The following USP9X variants were observed in gnomAD, a reference collection of about 807,000 sequenced individuals.
The protein encoded by USP9X is ubiquitin specific peptidase 9 X-linked.
USP9X carries 7 observed loss-of-function variants against 190.3 expected under a neutral mutation model. That is an observed-to-expected ratio of 0.04 (90% confidence interval 0.02 to 0.07). USP9X has a LOEUF of 0.07. Among genes scored for constraint, USP9X ranks in the 10% least tolerant of loss-of-function variants. USP9X has a pLI of 1.00. For synonymous variants in USP9X, 645 were observed against 659.5 expected (o/e 0.98, Z 0.34); for missense variants, 1,010 against 1,916.9 (o/e 0.53, Z 8.83).
Position 41,188,136 on chromosome X carries a change from C to T in USP9X, c.3810+19C>T, listed in dbSNP as rs375275312. The T allele has an allele frequency of 3.3e-5, 39 of 1,174,307 alleles. No individual in the cohort carries two copies. The highest frequency in any genetic ancestry group is 2.7e-4 in the African/African-American group (15 of 56,521). On this transcript the variant is annotated intron_variant, in intron 25 of 44. Coordinates refer to ENST00000378308, the MANE Select transcript of USP9X (RefSeq NM_001039591.3). ...TGAGAAGGTAAGAATTATCACAGAA[C>T]TATATTCCTTGTAAACAAATGTTTC...
At chrX:41,094,809 C>T (rs1278018992) in intron 1 of USP9X, among the ~76,000 whole-genome samples, 3 of 109,191 alleles carry the variant, frequency 2.7e-5, no homozygotes, top group Non-Finnish European at 5.7e-5. Context: ...GAGGCTGAGG[C>T]GGGCAGATCA....
At chrX:41,149,072 CAT>C (rs2062498160) in intron 12 of USP9X, among the ~76,000 whole-genome samples, 1 of 111,700 alleles carries the variant, frequency 9.0e-6, no homozygotes, top group Non-Finnish European at 1.9e-5. Context: ...TAATTTCTCA[CAT>C]GTTAATAAAA....
At chrX:41,179,089 A>G (rs957390338) in intron 21 of USP9X, among the ~76,000 whole-genome samples, 2 of 111,661 alleles carry the variant, frequency 1.8e-5, no homozygotes, top group Non-Finnish European at 3.8e-5. Flanking sequence ...TTTTGTGTCA[A>G]TACCATGCTG....
chrX:41,149,493 G>A (rs1244568409), intron 12 of USP9X, among the ~76,000 whole-genome samples: 1 of 109,461 alleles, frequency 9.1e-6, no homozygotes, highest in African/African-American at 3.3e-5. Context: ...TTTTCCAACT[G>A]TCACCTTTTC....
At chrX:41,125,684 A>ACACACACACACACACACTCT in intron 2 of USP9X, among the ~76,000 whole-genome samples, 24 of 19,017 alleles carry the variant, frequency 1.3e-3, no homozygotes, top group East Asian at 1.9e-3. Flanking sequence ...ACACACACAC[A>ACACACACACACACACACTCT]CTCTCTCTCT....
intron 38 of USP9X, among the ~76,000 whole-genome samples, chrX:41,221,394 T>C (rs939444580): frequency 4.5e-5 from 5 of 112,138 alleles, no homozygotes; most frequent in Admixed American, 2.9e-4. Context: ...AAGCAAATAA[T>C]GTAGTTGCCA....
At chrX:41,114,886 TGTC>T (rs2062135804) in intron 1 of USP9X, among the ~76,000 whole-genome samples, 1 of 110,959 alleles carries the variant, frequency 9.0e-6, no homozygotes, top group Non-Finnish European at 1.9e-5. Context: ...TAAGGCTTCT[TGTC>T]ATCAGTATGC....
chrX:41,115,307 G>T (rs1376520735), intron 1 of USP9X, among the ~76,000 whole-genome samples: 1 of 110,330 alleles, frequency 9.1e-6, no homozygotes, highest in Non-Finnish European at 1.9e-5. Flanking sequence ...AGCTTGTGTT[G>T]TACAGTTAGG....
chrX:41,121,000 G>A (rs886588672), intron 1 of USP9X, among the ~76,000 whole-genome samples: 2 of 99,622 alleles, frequency 2.0e-5, no homozygotes, highest in African/African-American at 7.4e-5. Context: ...CACCATGCCT[G>A]GCTAATTTTT....
At chrX:41,117,668 C>T in intron 1 of USP9X, among the ~76,000 whole-genome samples, 1 of 99,038 alleles carries the variant, frequency 1.0e-5, no homozygotes, top group Non-Finnish European at 2.0e-5. Flanking sequence ...AGCTCTGCCT[C>T]CTGGGTTCAC....
chrX:41,184,025 C>A lies in USP9X; in HGVS notation c.3176C>A (p.Ala1059Asp), dbSNP rs759926021. The change falls in exon 22 of 45, where the codon GCT becomes GAT. Residue 1059 changes from alanine to aspartate, a missense_variant. Transcript: ENST00000378308. ...PDSTTIEKLR[A>D]ICLDHAKLGE... Reference sequence around the variant, plus strand: ...AGCACAACGATAGAAAAATTAAGAGCTATTTGTTTAGACCATGCCAAACTT... The same window carrying A: ...AGCACAACGATAGAAAAATTAAGAGATATTTGTTTAGACCATGCCAAACTT... The A allele has an allele frequency of 6.7e-6, 8 of 1,201,200 alleles. No homozygotes were observed. Among genetic ancestry groups the A allele is most frequent in the Non-Finnish European group, 9.0e-6 (8 of 891,990 alleles).
intron 1 of USP9X, among the ~76,000 whole-genome samples, chrX:41,095,043 CAAA>C (rs35922180): frequency 1.4e-5 from 1 of 70,797 alleles, no homozygotes. Flanking sequence ...GACTCCGTCT[CAAA>C]AAAAAAAAAA....
intron 29 of USP9X, among the ~76,000 whole-genome samples, 199 bp from the exon 30 acceptor site, chrX:41,198,329 C>T (rs774830143): frequency 8.3e-4 from 87 of 104,437 alleles, no homozygotes; most frequent in African/African-American, 2.7e-3. Flanking sequence ...ATTTATTTAA[C>T]CTGCGAAATT....
At chrX:41,125,684 A>ACACACACACACACACTCTCTCTCTCTCT in intron 2 of USP9X, among the ~76,000 whole-genome samples, 7 of 19,011 alleles carry the variant, frequency 3.7e-4, no homozygotes, top group African/African-American at 6.6e-4. Context: ...ACACACACAC[A>ACACACACACACACACTCTCTCTCTCTCT]CTCTCTCTCT....
intron 24 of USP9X, among the ~76,000 whole-genome samples, chrX:41,186,902 C>G (rs1285010133): frequency 9.2e-6 from 1 of 109,263 alleles, no homozygotes; most frequent in Non-Finnish European, 1.9e-5. Flanking sequence ...TCTCGGCTCA[C>G]TGCAACCTCC....
intron 38 of USP9X, among the ~76,000 whole-genome samples, chrX:41,220,496 C>G (rs1223093193): frequency 8.9e-6 from 1 of 112,403 alleles, no homozygotes. Flanking sequence ...ATACCAACAT[C>G]TCTATAGCAG....
chrX:41,184,230 A>G, intron 22 of USP9X, 102 bp downstream of exon 22: 1 of 1,021,533 alleles, frequency 9.8e-7, no homozygotes, highest in South Asian at 2.5e-5. Context: ...AAGGTGAATG[A>G]TTTGGGTAAA....
chrX:41,213,683 A>G (rs2063185987), intron 33 of USP9X, among the ~76,000 whole-genome samples: 1 of 112,055 alleles, frequency 8.9e-6, no homozygotes, highest in African/African-American at 3.2e-5. Context: ...CCTTCTTTTT[A>G]TAGATGTTGA....
At chrX:41,192,564 G>C (rs1444977787) in intron 26 of USP9X, among the ~76,000 whole-genome samples, 1 of 111,884 alleles carries the variant, frequency 8.9e-6, no homozygotes, top group Non-Finnish European at 1.9e-5. Flanking sequence ...CTGAGTATTT[G>C]GTTAAATGTT....
Sources: gnomAD v4.1 joint callset for allele counts (sites outside exome capture counted in the v4.1 genomes callset) on GRCh38, gnomAD v4.1.1 for gene constraint, MANE v1.5 for transcripts, NCBI Gene and HGNC (gene_info 2026-07-23, HGNC 2026-07-21) for gene names.